HIVEP3: variants seen among roughly 807,000 people sequenced by gnomAD.
HIVEP3 encodes the protein HIVEP zinc finger 3, also known as transcription factor HIVEP3.
In HIVEP3, 49 loss-of-function variants were observed where a neutral mutation model predicts 152.8. The observed-to-expected ratio is 0.32, with a 90% CI of 0.26 to 0.41. The LOEUF is 0.41. Ranked by LOEUF, HIVEP3 falls within the 10% of genes least tolerant of loss-of-function variation. The pLI, the probability that HIVEP3 is intolerant of heterozygous loss-of-function variation, is 1.00. For missense variants in HIVEP3, 2,790 were observed against 3,103.3 expected (o/e 0.90, Z 2.40); for synonymous variants, 1,269 against 1,289.0 (o/e 0.98, Z 0.33).
intron 5 of HIVEP3, among the ~76,000 whole-genome samples, chr1:41,534,837 G>A (rs374166338): frequency 2.0e-5 from 3 of 152,304 alleles, no homozygotes; most frequent in African/African-American, 4.8e-5. Flanking sequence ...CTTGATGGGC[G>A]CATACGCTGC....
At chr1:41,535,481 A>C (rs1285304824) in intron 5 of HIVEP3, 4 of 152,182 alleles carry the variant, frequency 2.6e-5, no homozygotes, top group Non-Finnish European at 5.9e-5. Flanking sequence ...CAAGTGACCA[A>C]CTTCCCTGCC....
chr1:41,637,926 C>T (rs1189295772), intron 2 of HIVEP3, among the ~76,000 whole-genome samples: 3 of 152,050 alleles, frequency 2.0e-5, no homozygotes, highest in Non-Finnish European at 4.4e-5. Context: ...GTTAAGAGGC[C>T]AATATCTTAA....
At chr1:41,737,918 T>C (rs890149130) in intron 1 of HIVEP3, among the ~76,000 whole-genome samples, 6 of 152,236 alleles carry the variant, frequency 3.9e-5, no homozygotes, top group African/African-American at 1.4e-4. Context: ...TGGCACATCC[T>C]ACTTGCCAGG....
At chr1:41,557,602 G>C (rs563603157) in intron 5 of HIVEP3, among the ~76,000 whole-genome samples, 2 of 152,250 alleles carry the variant, frequency 1.3e-5, no homozygotes, top group African/African-American at 4.8e-5. Flanking sequence ...ATGGCAGGGA[G>C]TGGGGTGGTG....
At chr1:41,818,596 G>C (rs2668940) in intron 1 of HIVEP3, among the ~76,000 whole-genome samples, 53,710 of 152,086 alleles carry the variant, frequency 0.35, 11,092 homozygotes, top group East Asian at 0.8. Context: ...ACACCACGCA[G>C]TCATTGGAAG....
At chr1:41,936,338 A>AG (rs1231060174) in intron 1 of HIVEP3, among the ~76,000 whole-genome samples, 2 of 152,160 alleles carry the variant, frequency 1.3e-5, no homozygotes, top group African/African-American at 4.8e-5. Flanking sequence ...CAACTGATCC[A>AG]GGGGCTTCTG....
intron 1 of HIVEP3, among the ~76,000 whole-genome samples, chr1:41,976,810 G>A (rs921592846): frequency 1.3e-5 from 2 of 152,176 alleles, no homozygotes; most frequent in African/African-American, 2.4e-5. Flanking sequence ...ATGTTATGCT[G>A]CAGTAGTTAT....
At chr1:41,853,591 G>C (rs934067622) in intron 1 of HIVEP3, among the ~76,000 whole-genome samples, 2 of 152,184 alleles carry the variant, frequency 1.3e-5, no homozygotes, top group Non-Finnish European at 2.9e-5. Context: ...TACAATTCAA[G>C]TGAGATTTTG....
At chr1:41,575,721 C>T (rs761048029) in intron 4 of HIVEP3, 32 bp from the exon 5 acceptor site, 5 of 1,610,926 alleles carry the variant, frequency 3.1e-6, no homozygotes, top group Non-Finnish European at 4.2e-6. Context: ...AAAATCATTG[C>T]TGGTTAAAAG....
chr1:42,000,802 A>G (rs1645422758), intron 1 of HIVEP3, among the ~76,000 whole-genome samples: 1 of 152,240 alleles, frequency 6.6e-6, no homozygotes, highest in African/African-American at 2.4e-5. Context: ...AGAGAAGCAG[A>G]GCAACCAATC....
intron 1 of HIVEP3, among the ~76,000 whole-genome samples, chr1:41,859,199 T>G (rs1570683553): frequency 1.3e-5 from 2 of 152,264 alleles, no homozygotes; most frequent in East Asian, 3.9e-4. Flanking sequence ...TAGTCTCCCC[T>G]GTGGCATGGA....
intron 5 of HIVEP3, among the ~76,000 whole-genome samples, chr1:41,573,503 C>T (rs1182379163): frequency 2.6e-5 from 4 of 152,172 alleles, no homozygotes; most frequent in African/African-American, 7.2e-5. Flanking sequence ...CAGTTCCATA[C>T]GTGCTCAAAT....
At chr1:41,693,408 G>T (rs1157354189) in intron 2 of HIVEP3, among the ~76,000 whole-genome samples, 3 of 152,058 alleles carry the variant, frequency 2.0e-5, no homozygotes, top group Non-Finnish European at 4.4e-5. Context: ...TGTCTCCTTT[G>T]CCCCTGGGTG....
In HIVEP3 at chr1:41,704,604, T is replaced by C. The variant is rs1426882851; in HGVS notation, c.-800-3609A>G. ...GCTTATGGGAAGGAGCTAACATCCA[T>C]TGAGCCAGAAGCTTTAATTCTTTGC... is the stretch of plus-strand genomic sequence containing the variant. On this transcript the variant is annotated intron_variant, in intron 1 of 8. Coordinates refer to ENST00000372583, the MANE Select transcript of HIVEP3 (RefSeq NM_024503.5). 2.0e-5 allele frequency among the ~76,000 whole-genome samples: 3 copies of C among 152,360 alleles called. No homozygotes were observed. In the South Asian group the frequency reaches 6.2e-4, roughly 32 times the overall value.
intron 1 of HIVEP3, among the ~76,000 whole-genome samples, chr1:41,839,470 A>G (rs1386037995): frequency 6.6e-6 from 1 of 152,198 alleles, no homozygotes; most frequent in Non-Finnish European, 1.5e-5. Context: ...CTCAAGCATC[A>G]CTTCCTCCAG....
intron 1 of HIVEP3, among the ~76,000 whole-genome samples, chr1:41,758,655 T>C (rs1204488604): frequency 1.3e-5 from 2 of 152,218 alleles, no homozygotes; most frequent in African/African-American, 2.4e-5. Context: ...CCTTGGGTGA[T>C]TGTGATACAT....
At position 41,583,199 on chromosome 1, in the gene HIVEP3, G is replaced by A. The variant is rs368772313; in HGVS notation, c.1599C>T (p.Pro533=). Residue 533 remains proline (P), a synonymous_variant, in exon 4 of 9, where the codon CCC becomes CCT. Coordinates refer to ENST00000372583, the MANE Select transcript of HIVEP3 (RefSeq NM_024503.5). This position sits in a 1 kb window ranked among gnomAD's most constrained non-coding sequence, Gnocchi z 6.9. The part of the protein sequence containing the change: ...LSLQHPPSTA[P]PVPLLRSHSM... ...AGTGGCTTCTCAGGAGAGGCACAGG[G>A]GGGGCGGTACTGGGCGGGTGCTGGA... 56 of 1,611,254 alleles carry A rather than the reference G, an allele frequency of 3.5e-5. No individual in the cohort carries two copies. Among genetic ancestry groups the A allele is most frequent in the Non-Finnish European group, 4.4e-5 (52 of 1,178,888 alleles).
chr1:41,526,777 C>T (rs1344444635), intron 5 of HIVEP3, among the ~76,000 whole-genome samples: 1 of 136,152 alleles, frequency 7.3e-6, no homozygotes, highest in African/African-American at 2.8e-5. Flanking sequence ...TCACACTCAC[C>T]CTAACACACA....
chr1:41,604,601 T>C (rs991163479), intron 3 of HIVEP3, among the ~76,000 whole-genome samples: 1 of 152,154 alleles, frequency 6.6e-6, no homozygotes, highest in Non-Finnish European at 1.5e-5. Context: ...CCTCTCACCA[T>C]GTAAGAATGC....
Sources: gnomAD v4.1 joint callset for allele counts (sites outside exome capture counted in the v4.1 genomes callset) on GRCh38, gnomAD v4.1.1 for gene constraint, Gnocchi (gnomAD v3.1) non-coding constraint, MANE v1.5 for transcripts, NCBI Gene and HGNC (gene_info 2026-07-23, HGNC 2026-07-21) for gene names.